Variants in CCNK observed in about 807,000 individuals in gnomAD.
CCNK encodes the protein cyclin K, also known as cyclin-K.
In CCNK, 9 loss-of-function variants were observed where a neutral mutation model predicts 65.0. The ratio of observed to expected loss-of-function variants is 0.14; its 90% CI spans 0.08 to 0.24. The LOEUF is 0.24. Ranked by LOEUF, CCNK falls within the 10% of genes least tolerant of loss-of-function variation. CCNK has a pLI of 1.00. For missense variants in CCNK, 474 were observed against 720.0 expected (o/e 0.66, Z 3.91); for synonymous variants, 279 against 270.8 (o/e 1.03, Z -0.30).
intron 4 of CCNK, among the ~76,000 whole-genome samples, chr14:99,497,001 C>T (rs1254217219): frequency 1.4e-5 from 2 of 138,170 alleles, no homozygotes; most frequent in Admixed American, 7.4e-5. Context: ...TTCCCATATA[C>T]CCCCCACCCA....
chr14:99,492,382 A>G (rs1202921105), intron 1 of CCNK: 1 of 302,456 alleles, frequency 3.3e-6, no homozygotes, highest in African/African-American at 2.2e-5. Flanking sequence ...TAATCTCAAG[A>G]GAGAGGGAGG....
At chr14:99,494,461 A>G (rs964182042) in intron 3 of CCNK, 3 of 152,210 alleles carry the variant, frequency 2.0e-5, no homozygotes, top group African/African-American at 4.8e-5. Flanking sequence ...TTTGTTAGCT[A>G]AGATTTTAGT....
At chr14:99,503,438 G>C in intron 8 of CCNK, 173 bp from the exon 9 acceptor site, 1 of 614,546 alleles carries the variant, frequency 1.6e-6, no homozygotes, top group Non-Finnish European at 2.9e-6. Context: ...GAGCAGAAAT[G>C]ATGATCTGGT....
At chr14:99,493,485 T>C (rs777669846) in intron 2 of CCNK, 29 bp from the exon 3 acceptor site, 7 of 1,421,456 alleles carry the variant, frequency 4.9e-6, no homozygotes, top group Non-Finnish European at 6.9e-6. Context: ...GTAAAAGTTA[T>C]TGGTTAGAGT....
chr14:99,495,451 G>T lies in CCNK; in HGVS notation c.280-47G>T, dbSNP rs368133103. On this transcript the variant is annotated intron_variant, in intron 3 of 10. Coordinates refer to ENST00000389879, the MANE Select transcript of CCNK (RefSeq NM_001099402.2). ...GCCAAAATTTATTGTATCTATTTCT[G>T]TGTGACCTTTGATAACAAAAATCAA... 3.8e-6 allele frequency: 6 copies of T among 1,572,454 alleles called. No individual in the cohort carries two copies. The African/African-American group carries it at 8.2e-5, about 22-fold the overall frequency.
At chr14:99,502,612 A>G in intron 7 of CCNK, 107 bp from the exon 8 acceptor site, 1 of 1,246,446 alleles carries the variant, frequency 8.0e-7, no homozygotes, top group Non-Finnish European at 1.1e-6. Flanking sequence ...TGTAAATGTG[A>G]TTCATGCTTA....
Position 99,483,007 on chromosome 14 carries a change from C to T in CCNK, c.-53+1528C>T, listed in dbSNP as rs1048607149. Among the ~76,000 whole-genome samples the T allele has an allele frequency of 7.9e-5, 12 of 152,200 alleles. No individual in the cohort carries two copies. The East Asian group carries it at 2.1e-3, about 27-fold the overall frequency. ...TTTTTAAGCTCAGGTAAATTGTATA[C>T]CAGAGTATTTGCAGATGACTTTATA... On this transcript the variant is annotated intron_variant, in intron 1 of 10. Coordinates refer to ENST00000389879, the MANE Select transcript of CCNK (RefSeq NM_001099402.2).
Position 99,507,637 on chromosome 14 carries a change from T to C in CCNK, c.1117+490T>C, listed in dbSNP as rs148284100. 115 of 156,916 alleles carry C rather than the reference T, an allele frequency of 7.3e-4. 2 individuals carry two copies. In the East Asian group the frequency reaches 0.021, roughly 29 times the overall value. The allele number at this position is 156,916 out of a possible 1,614,324, so 9.7% of individuals were successfully genotyped here. A position where few individuals can be genotyped will look rare whatever the true frequency, so the allele number is the denominator to read the frequency against. On this transcript the variant is annotated intron_variant, in intron 10 of 10. Transcript: ENST00000389879. ...GTATATCTGAATATTTTCCGACCTC[T>C]CACATCCAGAAATGCTAAACTACAC...
chr14:99,491,980 G>A (rs1896606858), intron 1 of CCNK: 1 of 152,176 alleles, frequency 6.6e-6, no homozygotes, highest in Non-Finnish European at 1.5e-5. Context: ...TATTCTGAGT[G>A]AAAGAAAAGG....
chr14:99,486,690 A>G (rs1896493616), intron 1 of CCNK, among the ~76,000 whole-genome samples: 2 of 152,156 alleles, frequency 1.3e-5, no homozygotes, highest in African/African-American at 4.8e-5. Flanking sequence ...CAAACTTGAA[A>G]TCATCTTTTT....
intron 8 of CCNK, 125 bp downstream of exon 8, chr14:99,503,109 G>A (rs540966665): frequency 1.4e-5 from 15 of 1,092,210 alleles, no homozygotes; most frequent in South Asian, 6.2e-5. Flanking sequence ...GCCGAAACTC[G>A]CAGTCCGACT....
At chr14:99,493,259 CAG>C (rs990891598) in intron 2 of CCNK, among the ~76,000 whole-genome samples, 1 of 151,584 alleles carries the variant, frequency 6.6e-6, no homozygotes, top group African/African-American at 2.4e-5. Context: ...GCCTGGGTGA[CAG>C]AGATGCTGTC....
intron 6 of CCNK, chr14:99,501,956 G>A (rs1036818921): frequency 1.7e-4 from 59 of 348,408 alleles, no homozygotes; most frequent in African/African-American, 1.1e-3. Flanking sequence ...ATTTTCATTG[G>A]TGTAGCAATT....
At chr14:99,493,618 A>G in intron 3 of CCNK, 23 bp downstream of exon 3, 2 of 1,444,140 alleles carry the variant, frequency 1.4e-6, no homozygotes, top group Non-Finnish European at 1.9e-6. Context: ...ATTTTATTGT[A>G]ATTCTCTGTC....
chr14:99,481,418 T>A lies in CCNK; in HGVS notation c.-114T>A, dbSNP rs571324950. On this transcript the variant is annotated 5_prime_UTR_variant, in exon 1 of 11. Transcript: ENST00000389879. ...GATGACGTAGGTCCCCGACATTCCA[T>A]ATACAAGATGGCCGCAGTCGGCAAG... 1 of 398,004 alleles carries A rather than the reference T, an allele frequency of 2.5e-6. No individual in the cohort carries two copies. Among genetic ancestry groups the A allele is most frequent in the South Asian group, 1.3e-4 (1 of 7,822 alleles). 24.7% of individuals were successfully genotyped at this position (398,004 alleles called of 1,614,324 possible). A position where few individuals can be genotyped will look rare whatever the true frequency, so the allele number is the denominator to read the frequency against.
At chr14:99,507,048 G>GCC (rs1201011258) in intron 9 of CCNK, 28 bp from the exon 10 acceptor site, 2 of 1,366,814 alleles carry the variant, frequency 1.5e-6, no homozygotes, top group Admixed American at 3.4e-5. Flanking sequence ...AAGTATGAGT[G>GCC]GTTTTCTAAT....
chr14:99,498,081 C>T (rs1896739401), intron 4 of CCNK, among the ~76,000 whole-genome samples: 1 of 152,192 alleles, frequency 6.6e-6, no homozygotes, highest in African/African-American at 2.4e-5. Context: ...GGCTGGCAAG[C>T]TGTGCTTAAG....
intron 4 of CCNK, among the ~76,000 whole-genome samples, chr14:99,496,722 ATAAAC>A (rs1896709131): frequency 6.6e-6 from 1 of 151,350 alleles, no homozygotes; most frequent in Non-Finnish European, 1.5e-5. Flanking sequence ...AAAAAAATAA[ATAAAC>A]TAATATTACT....
chr14:99,482,937 A>G lies in CCNK; in HGVS notation c.-53+1458A>G, dbSNP rs1343786915. 2.0e-5 allele frequency among the ~76,000 whole-genome samples: 3 copies of G among 152,222 alleles called. No individual in the cohort carries two copies. In the East Asian group the frequency reaches 5.8e-4, roughly 29 times the overall value. On this transcript the variant is annotated intron_variant, in intron 1 of 10. Transcript: ENST00000389879. Reference sequence around the variant, plus strand: ...ATTGGATAAGGACAAAAAAATCTAGAGGAATTAAATTCAAGGTAATTGAGG... The same window carrying G: ...ATTGGATAAGGACAAAAAAATCTAGGGGAATTAAATTCAAGGTAATTGAGG...
Sources: allele counts gnomAD v4.1 joint callset (sites outside exome capture counted in the v4.1 genomes callset), GRCh38; gene constraint gnomAD v4.1.1; transcripts MANE v1.5; gene names NCBI Gene and HGNC (gene_info 2026-07-23, HGNC 2026-07-21).